The following KCNN2 variants were observed in gnomAD, a reference collection of about 807,000 sequenced individuals.
The protein encoded by KCNN2 is potassium calcium-activated channel subfamily N member 2.
A neutral mutation model predicts 55.5 loss-of-function variants in KCNN2; 24 were observed. The ratio of observed to expected loss-of-function variants is 0.43; its 90% CI spans 0.31 to 0.61. KCNN2 has a LOEUF of 0.61. Among genes scored for constraint, KCNN2 ranks in the 20% least tolerant of loss-of-function variants. The pLI is 0.08. For missense variants in KCNN2, 754 were observed against 853.6 expected (o/e 0.88, Z 1.45); for synonymous variants, 431 against 336.1 (o/e 1.28, Z -3.09).
chr5:114,441,566 C>G (rs192886913), intron 3 of KCNN2, among the ~76,000 whole-genome samples: 5 of 152,166 alleles, frequency 3.3e-5, no homozygotes, highest in African/African-American at 1.2e-4. Flanking sequence ...TCCCTCCTCC[C>G]TAGCAATAAA....
chr5:114,280,056 A>C (rs1184531797), intron 2 of KCNN2, among the ~76,000 whole-genome samples: 1 of 152,128 alleles, frequency 6.6e-6, no homozygotes, highest in South Asian at 2.1e-4. Context: ...GCCAGTGATG[A>C]TGAGCATTTT....
At chr5:114,089,758 A>T (rs1275205988) in intron 1 of KCNN2, among the ~76,000 whole-genome samples, 1 of 152,172 alleles carries the variant, frequency 6.6e-6, no homozygotes, top group Non-Finnish European at 1.5e-5. Context: ...TTTTTATTTT[A>T]ATCTGTAGCT....
At chr5:114,322,509 T>G (rs1756631690) in intron 2 of KCNN2, among the ~76,000 whole-genome samples, 1 of 152,074 alleles carries the variant, frequency 6.6e-6, no homozygotes, top group Non-Finnish European at 1.5e-5. Context: ...TCATTCCAAG[T>G]ACTCTTTTCA....
At chr5:114,101,085 A>G (rs1014340403) in intron 1 of KCNN2, among the ~76,000 whole-genome samples, 3 of 152,160 alleles carry the variant, frequency 2.0e-5, no homozygotes, top group South Asian at 4.1e-4. Context: ...ATGGTTGGAT[A>G]TTAAAGCTCT....
At chr5:114,080,427 A>C (rs1000904432) in intron 1 of KCNN2, among the ~76,000 whole-genome samples, 11 of 152,136 alleles carry the variant, frequency 7.2e-5, no homozygotes, top group Non-Finnish European at 1.0e-4. Flanking sequence ...GGGCCTGGAG[A>C]TGTCTGCGTG....
intron 3 of KCNN2, among the ~76,000 whole-genome samples, chr5:114,448,294 T>C (rs1474782016): frequency 6.6e-6 from 1 of 152,202 alleles, no homozygotes; most frequent in African/African-American, 2.4e-5. Flanking sequence ...GTTCCAGATC[T>C]CTACAAGGGT....
intron 6 of KCNN2, among the ~76,000 whole-genome samples, chr5:114,490,061 T>C (rs920765572): frequency 6.6e-6 from 1 of 152,226 alleles, no homozygotes; most frequent in Non-Finnish European, 1.5e-5. Context: ...AGTAATTGTC[T>C]TTTTAGATTG....
chr5:114,190,918 C>T (rs976140291), intron 1 of KCNN2, among the ~76,000 whole-genome samples: 4 of 152,038 alleles, frequency 2.6e-5, no homozygotes, highest in Admixed American at 6.6e-5. Context: ...TAGCTCCCTT[C>T]GACACTCTTG....
intron 5 of KCNN2, 28 bp from the exon 6 acceptor site, chr5:114,487,022 T>C: frequency 6.2e-7 from 1 of 1,611,786 alleles, no homozygotes; most frequent in East Asian, 2.2e-5. Context: ...CTGGAATTTA[T>C]CAACTGCTTT....
At chr5:114,413,361 T>G (rs1182803520) in intron 3 of KCNN2, among the ~76,000 whole-genome samples, 1 of 152,216 alleles carries the variant, frequency 6.6e-6, no homozygotes, top group South Asian at 2.1e-4. Flanking sequence ...CTTGGCTCAC[T>G]GCAACCTCTG....
At chr5:114,169,448 C>A (rs953448946) in intron 1 of KCNN2, among the ~76,000 whole-genome samples, 1 of 151,940 alleles carries the variant, frequency 6.6e-6, no homozygotes, top group Non-Finnish European at 1.5e-5. Context: ...TGCTGAATTT[C>A]CCATAAGAAA....
intron 1 of KCNN2, among the ~76,000 whole-genome samples, chr5:114,163,967 A>T (rs1290730712): frequency 6.6e-6 from 1 of 152,082 alleles, no homozygotes; most frequent in African/African-American, 2.4e-5. Context: ...TGGGTGTAGA[A>T]TATTGAGACC....
chr5:114,468,789 G>A (rs17458304), intron 4 of KCNN2, among the ~76,000 whole-genome samples: 11,787 of 152,186 alleles, frequency 0.077, 523 homozygotes, highest in Middle Eastern at 0.13. Flanking sequence ...CCTTTCCACA[G>A]TGTGTTATGT....
intron 3 of KCNN2, among the ~76,000 whole-genome samples, chr5:114,419,122 TAGC>T (rs1316323971): frequency 1.3e-5 from 2 of 152,222 alleles, no homozygotes; most frequent in Admixed American, 1.3e-4. Context: ...AAGGGAAAAA[TAGC>T]AGCAAGGATT....
intron 1 of KCNN2, among the ~76,000 whole-genome samples, chr5:114,182,391 T>C (rs1386464535): frequency 6.6e-6 from 1 of 152,118 alleles, no homozygotes; most frequent in East Asian, 1.9e-4. Flanking sequence ...CCATATAAAA[T>C]TCAGAATCAT....
intron 2 of KCNN2, among the ~76,000 whole-genome samples, chr5:114,334,097 T>G (rs930462289): frequency 6.6e-6 from 1 of 152,176 alleles, no homozygotes; most frequent in African/African-American, 2.4e-5. Context: ...ATTTCACACC[T>G]TAATTAAGAA....
In KCNN2 at chr5:114,179,657, A is replaced by G. The variant is rs72797670; in HGVS notation, c.-270-41823A>G. Among the ~76,000 whole-genome samples, 798 of 151,774 alleles carry G rather than the reference A, an allele frequency of 5.3e-3. 8 individuals carry two copies. Among genetic ancestry groups the G allele is most frequent in the Admixed American group, 0.015 (229 of 15,268 alleles). On this transcript the variant is annotated intron_variant, in intron 1 of 10. Coordinates refer to the KCNN2 transcript ENST00000512097. ...AAAATGTCAAACTTTTTTTTTTCTA[A>G]AGCTTTCTTTGGTTTATTTTTACCT...
At chr5:114,218,320 C>T (rs1438065703) in intron 1 of KCNN2, among the ~76,000 whole-genome samples, 2 of 152,140 alleles carry the variant, frequency 1.3e-5, no homozygotes, top group Non-Finnish European at 2.9e-5. Context: ...CATAATTGCC[C>T]AAACTTGGAA....
intron 6 of KCNN2, among the ~76,000 whole-genome samples, chr5:114,491,260 G>A (rs1003485927): frequency 2.0e-5 from 3 of 152,060 alleles, no homozygotes; most frequent in African/African-American, 7.2e-5. Context: ...TTACTTGCTG[G>A]AGGCATCTGG....
Sources: allele counts gnomAD v4.1 joint callset (sites outside exome capture counted in the v4.1 genomes callset), GRCh38; gene constraint gnomAD v4.1.1; transcripts MANE v1.5; gene names NCBI Gene and HGNC (gene_info 2026-07-23, HGNC 2026-07-21).